RERE: variants seen among roughly 807,000 people sequenced by gnomAD.
The protein encoded by RERE is arginine-glutamic acid dipeptide repeats protein.
In RERE, 40 loss-of-function variants were observed where a neutral mutation model predicts 146.1. The observed-to-expected ratio is 0.27, with a 90% confidence interval of 0.21 to 0.36. The LOEUF (loss-of-function observed/expected upper bound fraction) is 0.36, where lower values mean the gene tolerates loss of function less well. Ranked by LOEUF, RERE falls within the 10% of genes least tolerant of loss-of-function variation. The pLI, the probability that RERE is intolerant of heterozygous loss-of-function variation, is 1.00. For missense variants in RERE, 1,933 were observed against 2,138.7 expected (o/e 0.90, Z 1.90); for synonymous variants, 1,003 against 866.0 (o/e 1.16, Z -2.78).
At position 8,715,846 on chromosome 1, in the gene RERE, T is replaced by C. The variant is rs1639753616; in HGVS notation, c.-144-59405A>G. On this transcript the variant is annotated intron_variant, in intron 1 of 22. Coordinates refer to ENST00000400908, the MANE Select transcript of RERE (RefSeq NM_001042681.2). ...TGAGCCCAGAAAGTAGAAGTTGCAG[T>C]GAGCCATGATCATGCCACTGGATTC... is the stretch of plus-strand genomic sequence containing the variant. 2.7e-5 allele frequency among the ~76,000 whole-genome samples: 4 copies of C among 150,624 alleles called. No homozygotes were observed. The South Asian group carries it at 8.4e-4, about 32-fold the overall frequency.
At chr1:8,774,955 T>TTTTTC (rs1641035350) in intron 1 of RERE, among the ~76,000 whole-genome samples, 1 of 78,610 alleles carries the variant, frequency 1.3e-5, no homozygotes. Context: ...TTCTTTCTTT[T>TTTTTC]TTTTTTTTTT....
In RERE at chr1:8,604,618, GAGGGAGGAAGGAAGGAAGGAAGGA is replaced by G. The variant is rs1454999830; in HGVS notation, c.522+9919_522+9942del. ...GAAGGAAGGGAGGGAGGGAGGGAGG[GAGGGAGGAAGGAAGGAAGGAAGGA>G]AGGAAGGAAGGAAGGAAGGAAGGAA... On this transcript the variant is annotated intron_variant, in intron 4 of 22. Coordinates refer to ENST00000400908, the MANE Select transcript of RERE (RefSeq NM_001042681.2). Among the ~76,000 whole-genome samples, 68 of 66,158 alleles carry G rather than the reference GAGGGAGGAAGGAAGGAAGGAAGGA, an allele frequency of 1.0e-3. 1 individual carries two copies. The highest frequency in any genetic ancestry group is 3.6e-3 in the African/African-American group (57 of 15,764). The allele number at this position is 66,158 out of a possible 152,430, so 43.4% of individuals were successfully genotyped here.
chr1:8,626,536 C>T (rs1172148828), intron 2 of RERE, among the ~76,000 whole-genome samples: 1 of 152,148 alleles, frequency 6.6e-6, no homozygotes, highest in East Asian at 1.9e-4. Context: ...ACATCATGAC[C>T]ATAAACCACA....
intron 1 of RERE, among the ~76,000 whole-genome samples, chr1:8,749,415 C>T (rs1336501954): frequency 6.6e-6 from 1 of 150,484 alleles, no homozygotes; most frequent in Non-Finnish European, 1.5e-5. Flanking sequence ...GAAAACAACA[C>T]AATTTTGCTC....
intron 2 of RERE, among the ~76,000 whole-genome samples, chr1:8,630,315 T>C (rs1052231846): frequency 3.3e-5 from 5 of 152,158 alleles, no homozygotes; most frequent in African/African-American, 9.6e-5. Flanking sequence ...CCCATCACCA[T>C]TCCTCAACTC....
At chr1:8,596,093 G>C (rs756072915) in intron 4 of RERE, among the ~76,000 whole-genome samples, 2 of 152,238 alleles carry the variant, frequency 1.3e-5, no homozygotes, top group Non-Finnish European at 2.9e-5. Flanking sequence ...ACACAGTCAT[G>C]CTCATTTGTT....
chr1:8,616,148 T>C (rs949183275), intron 3 of RERE, among the ~76,000 whole-genome samples: 2 of 152,260 alleles, frequency 1.3e-5, no homozygotes, highest in African/African-American at 2.4e-5. Context: ...ACTAGGAATA[T>C]GACTGCCCAA....
chr1:8,524,698 T>C (rs1468432620), intron 7 of RERE, among the ~76,000 whole-genome samples: 1 of 152,234 alleles, frequency 6.6e-6, no homozygotes, highest in Non-Finnish European at 1.5e-5. Flanking sequence ...ATTTAATATC[T>C]ACTTGGGTAA....
At chr1:8,689,109 T>A (rs1217899504) in intron 1 of RERE, among the ~76,000 whole-genome samples, 1 of 152,152 alleles carries the variant, frequency 6.6e-6, no homozygotes, top group African/African-American at 2.4e-5. Flanking sequence ...AAATTTGATT[T>A]TTTTTTTAGT....
At chr1:8,450,872 C>T (rs903322287) in intron 11 of RERE, among the ~76,000 whole-genome samples, 7 of 152,300 alleles carry the variant, frequency 4.6e-5, no homozygotes, top group South Asian at 4.1e-4. Flanking sequence ...CTCTCAGGAA[C>T]GTGGAAAAGG....
chr1:8,559,475 G>T (rs569668255), intron 4 of RERE, among the ~76,000 whole-genome samples: 1 of 151,648 alleles, frequency 6.6e-6, no homozygotes, highest in Non-Finnish European at 1.5e-5. Context: ...TAATATTTAT[G>T]CATTTTATGC....
chr1:8,727,131 AGTCTTT>A (rs1361737088), intron 1 of RERE, among the ~76,000 whole-genome samples: 1 of 149,282 alleles, frequency 6.7e-6, no homozygotes, highest in East Asian at 2.0e-4. Context: ...GTGGATTAGT[AGTCTTT>A]TTTTTGGAGG....
Position 8,466,041 on chromosome 1 carries a change from A to G in RERE, c.1105-18T>C, listed in dbSNP as rs1204671323. ...TCATGCAGCTAAAACAACAACAATT[A>G]TAGTTAGCTAACTGCACCAAATAAC... On this transcript the variant is annotated intron_variant, in intron 10 of 22. Transcript: ENST00000400908. The G allele has an allele frequency of 1.3e-6, 2 of 1,590,422 alleles. No individual in the cohort carries two copies. The highest frequency in any genetic ancestry group is 3.4e-5 in the Admixed American group (2 of 58,996).
rs116239462 is a variant in RERE, at chr1:8,428,241, T to C, written c.1204-5434A>G. Among the ~76,000 whole-genome samples, 1,472 of 152,296 alleles carry C rather than the reference T, an allele frequency of 9.7e-3. 17 individuals carry two copies. The highest frequency in any genetic ancestry group is 0.034 in the African/African-American group (1,409 of 41,568). ...TCTGCTGTTTATGCTCCCCAGCTCA[T>C]AGCCTGCCCACTCTCAGACGCACGA... On this transcript the variant is annotated intron_variant, in intron 11 of 22. Coordinates refer to ENST00000400908, the MANE Select transcript of RERE (RefSeq NM_001042681.2).
intron 1 of RERE, among the ~76,000 whole-genome samples, chr1:8,715,159 A>G (rs1463882398): frequency 9.4e-5 from 14 of 148,594 alleles, no homozygotes. Context: ...GTCGTGAGCC[A>G]CCACGCCCAG....
At chr1:8,767,011 T>C (rs527547979) in intron 1 of RERE, among the ~76,000 whole-genome samples, 3 of 152,230 alleles carry the variant, frequency 2.0e-5, no homozygotes, top group Non-Finnish European at 4.4e-5. Flanking sequence ...TTTACCTTTA[T>C]ATAAAATGTA....
intron 3 of RERE, among the ~76,000 whole-genome samples, chr1:8,623,233 G>A (rs1436481676): frequency 6.6e-6 from 1 of 152,162 alleles, no homozygotes; most frequent in Non-Finnish European, 1.5e-5. Flanking sequence ...AATCACTTGA[G>A]GTCAGAAGTT....
chr1:8,722,585 G>A (rs940014488), intron 1 of RERE, among the ~76,000 whole-genome samples: 89 of 152,216 alleles, frequency 5.8e-4, no homozygotes, highest in African/African-American at 1.9e-3. Flanking sequence ...AACCAACCAC[G>A]GACTGAAAAT....
intron 3 of RERE, among the ~76,000 whole-genome samples, chr1:8,622,486 T>TAAAA (rs1167355778): frequency 4.7e-5 from 2 of 43,006 alleles, no homozygotes; most frequent in Admixed American, 2.9e-4. Context: ...TGTATCTGTT[T>TAAAA]AAAAAAAAAA....
Sources: gnomAD v4.1 joint callset for allele counts (sites outside exome capture counted in the v4.1 genomes callset) on GRCh38, gnomAD v4.1.1 for gene constraint, MANE v1.5 for transcripts, NCBI Gene and HGNC (gene_info 2026-07-23, HGNC 2026-07-21) for gene names.